Variants in MARK4 observed in about 807,000 individuals in gnomAD.
MARK4 encodes the protein microtubule affinity regulating kinase 4.
A neutral mutation model predicts 81.5 loss-of-function variants in MARK4; 19 were observed. The ratio of observed to expected loss-of-function variants is 0.23; its 90% CI spans 0.16 to 0.34. The LOEUF (loss-of-function observed/expected upper bound fraction) is 0.34, where lower values mean the gene tolerates loss of function less well. MARK4 is among the 10% of genes least tolerant of loss of function. The pLI is 1.00. For synonymous variants in MARK4, 436 were observed against 439.0 expected (o/e 0.99, Z 0.08); for missense variants, 772 against 1,058.8 (o/e 0.73, Z 3.76).
intron 12 of MARK4, 152 bp downstream of exon 12, chr19:45,280,886 C>T: frequency 1.7e-6 from 2 of 1,180,736 alleles, no homozygotes; most frequent in Non-Finnish European, 2.4e-6. Context: ...CAGGGCATTG[C>T]ATGGAACTTG....
At chr19:45,295,958 C>A (rs1363822399) in intron 14 of MARK4, among the ~76,000 whole-genome samples, 1 of 152,146 alleles carries the variant, frequency 6.6e-6, no homozygotes, top group Non-Finnish European at 1.5e-5. Flanking sequence ...GAAGCAGCAG[C>A]TACATGCCAG....
chr19:45,273,318 C>T (rs1394887822), intron 8 of MARK4, among the ~76,000 whole-genome samples: 2 of 152,130 alleles, frequency 1.3e-5, no homozygotes, highest in African/African-American at 2.4e-5. Flanking sequence ...GCATTGATGG[C>T]GCATTTGACA....
chr19:45,263,855 G>A (rs1198153981), intron 4 of MARK4, among the ~76,000 whole-genome samples: 1 of 151,672 alleles, frequency 6.6e-6, no homozygotes, highest in African/African-American at 2.4e-5. Flanking sequence ...CTCTTCTGGA[G>A]TAGGGGTGAT....
intron 13 of MARK4, among the ~76,000 whole-genome samples, chr19:45,291,454 T>G (rs1970818880): frequency 1.3e-5 from 2 of 152,188 alleles, no homozygotes; most frequent in Non-Finnish European, 2.9e-5. Context: ...AAGACCAACC[T>G]GGCCAACATG....
intron 13 of MARK4, among the ~76,000 whole-genome samples, chr19:45,290,311 C>T (rs931218852): frequency 3.3e-5 from 5 of 152,236 alleles, no homozygotes; most frequent in African/African-American, 1.2e-4. Context: ...CATCAGGAGG[C>T]ACCCAGCCGT....
At chr19:45,275,627 C>T (rs1007839122) in intron 8 of MARK4, among the ~76,000 whole-genome samples, 18 of 152,190 alleles carry the variant, frequency 1.2e-4, no homozygotes, top group Admixed American at 1.1e-3. Context: ...TCTCCCCCAT[C>T]ACGTGATAGG....
At chr19:45,295,036 A>C (rs995374312) in intron 14 of MARK4, among the ~76,000 whole-genome samples, 8 of 152,242 alleles carry the variant, frequency 5.3e-5, no homozygotes, top group South Asian at 2.1e-4. Flanking sequence ...GGGTGTGGGC[A>C]GAGGAATGGG....
At chr19:45,297,642 TC>T in intron 14 of MARK4, 33 bp from the exon 15 acceptor site, 1 of 1,436,510 alleles carries the variant, frequency 7.0e-7, no homozygotes, top group Non-Finnish European at 9.3e-7. Context: ...CCTGCCTCAG[TC>T]CCCCACCCTG....
At chr19:45,266,403 G>T (rs1489735295) in intron 7 of MARK4, 122 bp downstream of exon 7, 3 of 910,886 alleles carry the variant, frequency 3.3e-6, no homozygotes, top group Non-Finnish European at 5.4e-6. Context: ...TTCTCCTCCT[G>T]CTCTTCCCTC....
chr19:45,283,074 A>G (rs1970697158), intron 12 of MARK4, among the ~76,000 whole-genome samples: 1 of 152,116 alleles, frequency 6.6e-6, no homozygotes, highest in South Asian at 2.1e-4. Context: ...CCGATTTCAG[A>G]ACATTTTCAT....
At chr19:45,298,339 T>G in intron 15 of MARK4, 1 of 1,069,446 alleles carries the variant, frequency 9.4e-7, no homozygotes. Flanking sequence ...GCGTGGGGTC[T>G]GGTTGTTCAT....
rs542637491 is a variant in MARK4 at position 45,269,572 on chromosome 19, G to A, written c.550-1900G>A. ...GGAAGCCAGGGATGCTGGTGACCTG[G>A]GCGAGGGAAGGACCGCAGTTGGGAT... is the stretch of plus-strand genomic sequence containing the variant. On this transcript the variant is annotated intron_variant, in intron 7 of 16. Transcript: ENST00000262891. Among the ~76,000 whole-genome samples the A allele has an allele frequency of 3.4e-4, 52 of 152,248 alleles. No individual in the cohort carries two copies. The South Asian group carries it at 0.01, about 30-fold the overall frequency.
intron 1 of MARK4, among the ~76,000 whole-genome samples, chr19:45,256,492 C>T (rs1970309476): frequency 6.6e-6 from 1 of 152,050 alleles, no homozygotes; most frequent in Admixed American, 6.6e-5. Context: ...TCTGGGGTAA[C>T]AGTGATTGGA....
At chr19:45,266,072 C>T (rs371672531) in intron 6 of MARK4, among the ~76,000 whole-genome samples, 153 bp from the exon 7 acceptor site, 14 of 152,092 alleles carry the variant, frequency 9.2e-5, no homozygotes, top group African/African-American at 3.1e-4. Context: ...CCACGGGCAC[C>T]TCTTGCTGTG....
chr19:45,280,719 A>T lies in MARK4; in HGVS notation c.1261A>T (p.Arg421Trp). 6.2e-7 allele frequency: 1 copy of T among 1,614,132 alleles called. No individual in the cohort carries two copies. The highest frequency in any genetic ancestry group is 8.5e-7 in the Non-Finnish European group (1 of 1,179,984). Residue 421 changes from arginine (R) to tryptophan (W), a missense_variant, in exon 12 of 17, where the codon AGG (arginine) becomes TGG (tryptophan). By Grantham distance (101) the Arg-to-Trp change is moderately radical. Around this residue, in one of 3 missense-constraint regions of MARK4, gnomAD observed 548 missense variants for 624.3 expected, o/e 0.88. Transcript: ENST00000262891. The stretch of plus-strand genomic sequence containing the variant: ...CTCTTCCACCTACCACCGCCAGCGC[A>T]GGCATAGCGATTTCTGTGAGTATCA... ...SSSSTYHRQR[R>W]HSDFCGPSPA...
chr19:45,301,784 C>A (rs1393026908), intron 16 of MARK4, among the ~76,000 whole-genome samples: 3 of 149,006 alleles, frequency 2.0e-5, no homozygotes, highest in African/African-American at 5.0e-5. Context: ...AGAATCGCTT[C>A]AACCCAGGAG....
chr19:45,298,332 T>A (rs1157716762), intron 15 of MARK4: 2 of 434,602 alleles, frequency 4.6e-6, no homozygotes, highest in Admixed American at 6.5e-5. Context: ...GGTCTGTGCG[T>A]GGGGTCTGGT....
intron 14 of MARK4, among the ~76,000 whole-genome samples, chr19:45,295,211 T>C (rs62118541): frequency 4.6e-5 from 7 of 150,576 alleles, no homozygotes; most frequent in Admixed American, 4.6e-4. Context: ...AAAAAAAAAT[T>C]AGCTGGGTGC....
rs115771881 is a variant in MARK4, at chr19:45,300,751, A to G, written c.1922+896A>G. On this transcript the variant is annotated intron_variant, in intron 16 of 16. Coordinates refer to ENST00000262891, the MANE Select transcript of MARK4 (RefSeq NM_001199867.2). The stretch of plus-strand genomic sequence containing the variant: ...CAGCTGCAACAAACTGCCAGGGCTG[A>G]CTCTCATTGGTTGGGACTTGGTCAC... Among the ~76,000 whole-genome samples the G allele has an allele frequency of 7.0e-3, 1,069 of 152,070 alleles. 16 individuals are homozygous for G. The highest frequency in any genetic ancestry group is 0.025 in the African/African-American group (1,017 of 41,492).
Sources: allele counts gnomAD v4.1 joint callset (sites outside exome capture counted in the v4.1 genomes callset), GRCh38; gene constraint gnomAD v4.1.1; regional missense constraint gnomAD v4.1.1; transcripts MANE v1.5; gene names NCBI Gene and HGNC (gene_info 2026-07-23, HGNC 2026-07-21).